The following MTA3 variants were observed in gnomAD, a reference collection of about 807,000 sequenced individuals.
MTA3 encodes metastasis-associated protein MTA3.
Under a neutral mutation model 83.5 loss-of-function variants are expected in MTA3, and 34 were observed. The observed-to-expected ratio is 0.41, with a 90% confidence interval of 0.31 to 0.54. The LOEUF (loss-of-function observed/expected upper bound fraction) is 0.54, where lower values mean the gene tolerates loss of function less well. MTA3 is among the 20% of genes least tolerant of loss of function. The pLI is 0.33. For synonymous variants in MTA3, 303 were observed against 252.7 expected (o/e 1.20, Z -1.89); for missense variants, 761 against 726.4 (o/e 1.05, Z -0.55).
At chr2:42,518,520 G>A (rs983366451) in intron 2 of MTA3, among the ~76,000 whole-genome samples, 5 of 152,110 alleles carry the variant, frequency 3.3e-5, no homozygotes, top group Admixed American at 2.0e-4. Context: ...ATATCCAGGA[G>A]TCTATACTTA....
At position 42,656,217 on chromosome 2, in the gene MTA3, G is replaced by A; in HGVS notation, c.517G>A (p.Glu173Lys). ...TTGGACAGGAGAATCAGATGAGAGGGAACAATCAAAATTGGAAGTTAAAGT... is the reference window on the plus strand; with the variant it reads ...TTGGACAGGAGAATCAGATGAGAGGAAACAATCAAAATTGGAAGTTAAAGT... The part of the protein sequence containing the change: ...MLLEGESDER[E>K]QSKLEVKVWD... The change falls in exon 7 of 17, where the codon GAA becomes AAA. Residue 173 changes from glutamate (E) to lysine (K), a missense_variant. Glu to Lys is a moderately conservative substitution (Grantham distance 56). Coordinates refer to ENST00000405094, the MANE Select transcript of MTA3 (RefSeq NM_001330442.2). 2 of 1,613,374 alleles carry A rather than the reference G, an allele frequency of 1.2e-6. No individual in the cohort carries two copies. Among genetic ancestry groups the A allele is most frequent in the Non-Finnish European group, 8.5e-7 (1 of 1,179,554 alleles).
chr2:42,724,613 C>T (rs1193203316), intron 16 of MTA3, among the ~76,000 whole-genome samples: 1 of 144,922 alleles, frequency 6.9e-6, no homozygotes, highest in Non-Finnish European at 1.5e-5. Flanking sequence ...CACTGCACTC[C>T]AGCGAGGATG....
intron 3 of MTA3, among the ~76,000 whole-genome samples, chr2:42,595,950 G>T (rs560899875): frequency 1.3e-5 from 2 of 152,102 alleles, no homozygotes; most frequent in Admixed American, 1.3e-4. Flanking sequence ...GAAAGCATTT[G>T]TCTGTGATTC....
At chr2:42,689,064 A>C (rs1009713161) in intron 9 of MTA3, among the ~76,000 whole-genome samples, 10 of 152,110 alleles carry the variant, frequency 6.6e-5, no homozygotes, top group African/African-American at 2.4e-4. Context: ...GAATTTTGTA[A>C]GATGTGTTTT....
At chr2:42,721,798 C>T (rs1020848124) in intron 15 of MTA3, among the ~76,000 whole-genome samples, 1 of 152,162 alleles carries the variant, frequency 6.6e-6, no homozygotes, top group Non-Finnish European at 1.5e-5. Flanking sequence ...TTCAGTGAGT[C>T]CAAGGACTTG....
intron 4 of MTA3, among the ~76,000 whole-genome samples, chr2:42,615,896 A>G (rs1197225769): frequency 6.8e-6 from 1 of 147,730 alleles, no homozygotes; most frequent in Non-Finnish European, 1.5e-5. Flanking sequence ...AATTTTTTGT[A>G]TTTTTAGTAG....
chr2:42,615,517 A>C (rs1431535624), intron 4 of MTA3, among the ~76,000 whole-genome samples: 1 of 151,146 alleles, frequency 6.6e-6, no homozygotes, highest in Non-Finnish European at 1.5e-5. Context: ...CAGCGTGCTC[A>C]GCTAATTTTT....
In MTA3 at chr2:42,695,634, C is replaced by CAAAAAAA. The variant is rs70963347; in HGVS notation, c.892-110_892-104dup. The stretch of plus-strand genomic sequence containing the variant: ...TGGGCAACAAAGTGACAGTCTATCT[C>CAAAAAAA]AAAAAAAAAAAAAAAAAAAAAAAAA... On this transcript the variant is annotated intron_variant, in intron 9 of 16. Coordinates refer to ENST00000405094, the MANE Select transcript of MTA3 (RefSeq NM_001330442.2). The CAAAAAAA allele has an allele frequency of 1.6e-3, 208 of 130,742 alleles. 6 individuals carry two copies. The highest frequency in any genetic ancestry group is 8.6e-3 in the Middle Eastern group (3 of 350). The allele number at this position is 130,742 out of a possible 1,614,324, so 8.1% of individuals were successfully genotyped here.
chr2:42,659,855 T>A lies in MTA3; in HGVS notation c.695T>A (p.Ile232Asn). 6.3e-7 allele frequency: 1 copy of A among 1,599,986 alleles called. No individual in the cohort carries two copies. Among genetic ancestry groups the A allele is most frequent in the Non-Finnish European group, 8.5e-7 (1 of 1,173,514 alleles). The change falls in exon 8 of 17, where the codon ATC becomes AAC. Residue 232 changes from isoleucine to asparagine, a missense_variant. By Grantham distance (149) the Ile-to-Asn change is moderately radical. Transcript: ENST00000405094. ...HMSAAAASRD[I>N]TLFHAMDTLY... is the part of the protein sequence containing the mutation. ...AGTGCTGCTGCAGCTTCCCGAGACA[T>A]CACCTTGGTAAGACATGGTTTGAAA...
chr2:42,735,519 G>A (rs1410656990), intron 16 of MTA3, among the ~76,000 whole-genome samples: 3 of 152,144 alleles, frequency 2.0e-5, no homozygotes, highest in Non-Finnish European at 4.4e-5. Context: ...CTAGGTTTGA[G>A]AAGTTTTCTG....
At chr2:42,511,883 G>A (rs1351065010) in intron 2 of MTA3, 1 of 152,052 alleles carries the variant, frequency 6.6e-6, no homozygotes, top group Non-Finnish European at 1.5e-5. Context: ...CCGGCGTCGT[G>A]GCGTGTGCCT....
At chr2:42,701,835 C>G (rs1269451629) in intron 11 of MTA3, among the ~76,000 whole-genome samples, 1 of 151,780 alleles carries the variant, frequency 6.6e-6, no homozygotes, top group Non-Finnish European at 1.5e-5. Context: ...ATCGCTTGAA[C>G]CTGCCGGGGG....
intron 2 of MTA3, among the ~76,000 whole-genome samples, chr2:42,520,374 C>G (rs1169724942): frequency 6.6e-6 from 1 of 152,126 alleles, no homozygotes; most frequent in Non-Finnish European, 1.5e-5. Flanking sequence ...TCTTTATTTC[C>G]TGTCTTGTTG....
At chr2:42,719,628 CT>C (rs778774007) in intron 15 of MTA3, among the ~76,000 whole-genome samples, 3 of 152,240 alleles carry the variant, frequency 2.0e-5, no homozygotes, top group Non-Finnish European at 4.4e-5. Flanking sequence ...CCTGCCTTGA[CT>C]TCCCAAAGTG....
rs1670170386 is a variant in MTA3 at position 42,755,335 on chromosome 2, A to G, written c.*1936A>G. On this transcript the variant is annotated 3_prime_UTR_variant, in exon 17 of 17. Coordinates refer to ENST00000405094, the MANE Select transcript of MTA3 (RefSeq NM_001330442.2). ...TGCCCGTGACTCAGCTGCCAGCTTC[A>G]TTTTCTCTGCCTTTTGGGAGAGGCC... 5.1e-6 allele frequency: 5 copies of G among 985,346 alleles called. No homozygotes were observed. The South Asian group carries it at 1.9e-4, about 37-fold the overall frequency. 61.0% of individuals were successfully genotyped at this position (985,346 alleles called of 1,614,324 possible). A position where few individuals can be genotyped will look rare whatever the true frequency, so the allele number is the denominator to read the frequency against.
intron 4 of MTA3, among the ~76,000 whole-genome samples, chr2:42,616,082 C>G (rs1303811787): frequency 6.6e-6 from 1 of 151,388 alleles, no homozygotes; most frequent in Non-Finnish European, 1.5e-5. Flanking sequence ...GTTTTTGAGA[C>G]ATAGTTTCAC....
intron 2 of MTA3, among the ~76,000 whole-genome samples, chr2:42,553,603 C>T (rs541860209): frequency 1.3e-5 from 2 of 150,472 alleles, no homozygotes; most frequent in South Asian, 2.1e-4. Flanking sequence ...AGTATGGTGG[C>T]GCATGCCTGT....
intron 4 of MTA3, among the ~76,000 whole-genome samples, chr2:42,612,065 G>C (rs1684289744): frequency 6.6e-6 from 1 of 152,142 alleles, no homozygotes; most frequent in Non-Finnish European, 1.5e-5. Flanking sequence ...GTTAGGCCGG[G>C]TAATATGGGA....
In MTA3 at chr2:42,707,903, C is replaced by G. The variant is rs1302203809; in HGVS notation, c.1151C>G (p.Ala384Gly). Residue 384 changes from alanine (A) to glycine (G), a missense_variant and splice_region_variant, in exon 13 of 17, where the codon GCT becomes GGT. By Grantham distance (60) the Ala-to-Gly change is moderately conservative. Transcript: ENST00000405094. The part of the protein sequence containing the change: ...LLGRACESCY[A>G]TQSHQWYSWG... ...TTTTCTTATTTTTCTTCTGCTTTAG[C>G]TACACAGTCTCACCAGTGGTATTCT... is the stretch of plus-strand genomic sequence containing the variant. 6.4e-7 allele frequency: 1 copy of G among 1,551,498 alleles called. No individual in the cohort carries two copies. Among genetic ancestry groups the G allele is most frequent in the East Asian group, 2.3e-5 (1 of 43,426 alleles).
Sources: allele counts gnomAD v4.1 joint callset (sites outside exome capture counted in the v4.1 genomes callset), GRCh38; gene constraint gnomAD v4.1.1; transcripts MANE v1.5; gene names NCBI Gene and HGNC (gene_info 2026-07-23, HGNC 2026-07-21).